Variants in ANKRD11 observed in about 807,000 individuals in gnomAD.
ANKRD11 encodes the protein ankyrin repeat domain-containing protein 11.
In ANKRD11, 17 loss-of-function variants were observed where a neutral mutation model predicts 195.7. That is an observed-to-expected ratio of 0.09 (90% CI 0.06 to 0.13). The LOEUF is 0.13. Among genes scored for constraint, ANKRD11 ranks in the 10% least tolerant of loss-of-function variants. The pLI is 1.00. For missense variants in ANKRD11, 3,735 were observed against 3,566.1 expected (o/e 1.05, Z -1.21); for synonymous variants, 1,953 against 1,528.1 (o/e 1.28, Z -6.49).
chr16:89,375,128 G>T (rs946187900), intron 2 of ANKRD11, among the ~76,000 whole-genome samples: 5 of 152,020 alleles, frequency 3.3e-5, no homozygotes, highest in African/African-American at 1.2e-4. Flanking sequence ...ATACAACTCA[G>T]TGCGGGACAT....
Position 89,282,763 on chromosome 16 carries a change from G to A in ANKRD11, c.3779C>T (p.Ser1260Leu). The change falls in exon 9 of 13, where the codon TCG becomes TTG. Residue 1260 changes from serine to leucine, a missense_variant. Coordinates refer to ENST00000301030, the MANE Select transcript of ANKRD11 (RefSeq NM_013275.6). ...CCTCTCCTTGGAATGTTCTTTGTCCGACTTCTCTTTGTGTTTGCTTTTAGC... is the reference window on the plus strand; with the variant it reads ...CCTCTCCTTGGAATGTTCTTTGTCCAACTTCTCTTTGTGTTTGCTTTTAGC... ...DKAKSKHKEK[S>L]DKEHSKERKS... 5.6e-6 allele frequency: 9 copies of A among 1,612,680 alleles called. No homozygotes were observed. Among genetic ancestry groups the A allele is most frequent in the East Asian group, 2.2e-5 (1 of 44,864 alleles).
intron 2 of ANKRD11, among the ~76,000 whole-genome samples, chr16:89,388,202 T>C (rs2041009882): frequency 6.6e-6 from 1 of 151,490 alleles, no homozygotes; most frequent in Non-Finnish European, 1.5e-5. Flanking sequence ...ACCAGACTAT[T>C]CACCACCACA....
chr16:89,407,240 C>A (rs563201918), intron 2 of ANKRD11, among the ~76,000 whole-genome samples: 2 of 151,056 alleles, frequency 1.3e-5, no homozygotes, highest in Non-Finnish European at 2.9e-5. Flanking sequence ...TAAGAAGGCA[C>A]ACGAGGAACA....
chr16:89,438,688 T>C (rs1245071221), intron 1 of ANKRD11, among the ~76,000 whole-genome samples: 4 of 152,074 alleles, frequency 2.6e-5, no homozygotes, highest in Non-Finnish European at 4.4e-5. Flanking sequence ...TTGGAAGGCA[T>C]TGCCCCCAAG....
At chr16:89,366,206 C>G (rs2039944417) in intron 2 of ANKRD11, among the ~76,000 whole-genome samples, 2 of 151,806 alleles carry the variant, frequency 1.3e-5, no homozygotes, top group South Asian at 4.2e-4. Context: ...GTATATGCAC[C>G]ACATTTTCTT....
chr16:89,363,614 C>T (rs1459865917), intron 2 of ANKRD11, among the ~76,000 whole-genome samples: 1 of 152,126 alleles, frequency 6.6e-6, no homozygotes, highest in Non-Finnish European at 1.5e-5. Flanking sequence ...CTGTCAAATT[C>T]AAACGCACTC....
At chr16:89,320,747 T>C (rs1342602651) in intron 2 of ANKRD11, among the ~76,000 whole-genome samples, 2 of 152,202 alleles carry the variant, frequency 1.3e-5, no homozygotes, top group Non-Finnish European at 2.9e-5. Context: ...AAGACACAAC[T>C]CAGCCCAGCG....
At chr16:89,421,942 C>G (rs1022096807) in intron 1 of ANKRD11, among the ~76,000 whole-genome samples, 4 of 152,132 alleles carry the variant, frequency 2.6e-5, no homozygotes, top group African/African-American at 9.7e-5. Context: ...AAGATGATAA[C>G]CCAGGTGCTA....
intron 1 of ANKRD11, among the ~76,000 whole-genome samples, chr16:89,469,824 G>A (rs1456211799): frequency 5.0e-4 from 1 of 1,984 alleles, no homozygotes; most frequent in Non-Finnish European, 8.7e-4. Context: ...GCGTGAACCC[G>A]GGAGCGGCAG....
intron 3 of ANKRD11, among the ~76,000 whole-genome samples, chr16:89,308,894 G>C (rs1234215117): frequency 2.0e-5 from 3 of 152,168 alleles, no homozygotes; most frequent in African/African-American, 7.2e-5. Context: ...AAACACAGGA[G>C]GTGCGCGCAG....
intron 2 of ANKRD11, among the ~76,000 whole-genome samples, chr16:89,415,684 T>C (rs972336208): frequency 6.6e-6 from 1 of 150,550 alleles, no homozygotes; most frequent in Non-Finnish European, 1.5e-5. Context: ...AAAAATCAGC[T>C]GGGTGTGGTG....
chr16:89,358,230 G>T (rs1385401548), intron 2 of ANKRD11, among the ~76,000 whole-genome samples: 3 of 152,244 alleles, frequency 2.0e-5, no homozygotes, highest in African/African-American at 7.2e-5. Flanking sequence ...TCTGGCATCA[G>T]CACTGGTCCC....
rs2042420794 is a variant in ANKRD11, at chr16:89,419,284, T to C, written c.-144-916A>G. ...CTGGCCAACAGGGCAAAACCCCGTCTCTACTGAAAATACAAAAAATTAACC... is the reference window on the plus strand; with the variant it reads ...CTGGCCAACAGGGCAAAACCCCGTCCCTACTGAAAATACAAAAAATTAACC... On this transcript the variant is annotated intron_variant, in intron 1 of 12. Coordinates refer to ENST00000301030, the MANE Select transcript of ANKRD11 (RefSeq NM_013275.6). Among the ~76,000 whole-genome samples, 3 of 151,326 alleles carry C rather than the reference T, an allele frequency of 2.0e-5. No homozygotes were observed. In the South Asian group the frequency reaches 6.3e-4, roughly 32 times the overall value.
At chr16:89,386,395 GC>G (rs1213947046) in intron 2 of ANKRD11, among the ~76,000 whole-genome samples, 2 of 152,092 alleles carry the variant, frequency 1.3e-5, no homozygotes, top group African/African-American at 4.8e-5. Flanking sequence ...CTGCCCTGCT[GC>G]CCCACCCTTT....
intron 2 of ANKRD11, among the ~76,000 whole-genome samples, chr16:89,398,228 A>G (rs1226407349): frequency 2.0e-5 from 3 of 151,394 alleles, no homozygotes; most frequent in African/African-American, 7.3e-5. Context: ...TGACCTCAGC[A>G]CTCTGGGAGG....
intron 2 of ANKRD11, among the ~76,000 whole-genome samples, chr16:89,407,210 G>A (rs552533936): frequency 9.9e-5 from 15 of 151,484 alleles, no homozygotes; most frequent in African/African-American, 3.1e-4. Context: ...AAAAGAACAC[G>A]CAGACAGAAA....
chr16:89,432,989 T>C (rs867729610), intron 1 of ANKRD11, among the ~76,000 whole-genome samples: 8 of 118,440 alleles, frequency 6.8e-5, no homozygotes, highest in South Asian at 5.2e-4. Context: ...TCTCTCTCTC[T>C]CCTCTCTCTC....
chr16:89,415,145 G>A (rs1337995844), intron 2 of ANKRD11, among the ~76,000 whole-genome samples: 2 of 151,632 alleles, frequency 1.3e-5, no homozygotes, highest in African/African-American at 2.4e-5. Flanking sequence ...GTAGAGATGC[G>A]GTCTCGTCAT....
chr16:89,478,680 C>A (rs536172489), intron 1 of ANKRD11, among the ~76,000 whole-genome samples: 1 of 152,220 alleles, frequency 6.6e-6, no homozygotes, highest in East Asian at 1.9e-4. Flanking sequence ...CGCAGCTCTC[C>A]GGCACAGCCA....
Sources: gnomAD v4.1 joint callset for allele counts (sites outside exome capture counted in the v4.1 genomes callset) on GRCh38, gnomAD v4.1.1 for gene constraint, MANE v1.5 for transcripts, NCBI Gene and HGNC (gene_info 2026-07-23, HGNC 2026-07-21) for gene names.